The following NRG1 variants were observed in gnomAD, a reference collection of about 807,000 sequenced individuals.
The protein encoded by NRG1 is pro-neuregulin-1, membrane-bound isoform.
In NRG1, 18 loss-of-function variants were observed where a neutral mutation model predicts 63.8. That is an observed-to-expected ratio of 0.28 (90% CI 0.19 to 0.42). NRG1 has a LOEUF of 0.42. Among genes scored for constraint, NRG1 ranks in the 10% least tolerant of loss-of-function variants. The pLI, the probability that NRG1 is intolerant of heterozygous loss-of-function variation, is 1.00. For synonymous variants in NRG1, 302 were observed against 301.3 expected (o/e 1.00, Z -0.02); for missense variants, 762 against 814.7 (o/e 0.94, Z 0.79).
At chr8:32,046,149 T>C (rs1820960238) in intron 1 of NRG1, among the ~76,000 whole-genome samples, 1 of 152,006 alleles carries the variant, frequency 6.6e-6, no homozygotes, top group African/African-American at 2.4e-5. Context: ...GAACAGATTG[T>C]CGACCAAAGT....
At chr8:32,060,853 G>A (rs146291293) in intron 1 of NRG1, among the ~76,000 whole-genome samples, 2 of 151,884 alleles carry the variant, frequency 1.3e-5, no homozygotes, top group African/African-American at 4.8e-5. Flanking sequence ...GTTTTAAAAT[G>A]GAGCAGTAAA....
At chr8:32,186,774 T>C (rs980725071) in intron 1 of NRG1, among the ~76,000 whole-genome samples, 1 of 152,228 alleles carries the variant, frequency 6.6e-6, no homozygotes, top group Non-Finnish European at 1.5e-5. Flanking sequence ...GTCTGAAGTC[T>C]GCTATGATCA....
intron 5 of NRG1, among the ~76,000 whole-genome samples, chr8:32,697,881 A>C (rs1170743816): frequency 6.6e-6 from 1 of 152,152 alleles, no homozygotes; most frequent in African/African-American, 2.4e-5. Flanking sequence ...CTGATACCTC[A>C]ATATAATATG....
chr8:32,374,651 A>G (rs1587179616), intron 1 of NRG1, among the ~76,000 whole-genome samples: 1 of 152,204 alleles, frequency 6.6e-6, no homozygotes, highest in East Asian at 1.9e-4. Context: ...GGCCTTCTTT[A>G]CACTGACTAT....
At position 32,561,232 on chromosome 8, in the gene NRG1, C is replaced by A. The variant is rs1836336062; in HGVS notation, c.100+12406C>A. Among the ~76,000 whole-genome samples, 3 of 152,098 alleles carry A rather than the reference C, an allele frequency of 2.0e-5. No homozygotes were observed. In the South Asian group the frequency reaches 6.2e-4, roughly 32 times the overall value. On this transcript the variant is annotated intron_variant, in intron 1 of 11. Coordinates refer to ENST00000356819, the Ensembl canonical transcript of NRG1. ...TGAATTCAGCTTCACTTTTATAGTGCTTTGGGTGTTATTATGCTTCCAGAT... is the reference window on the plus strand; with the variant it reads ...TGAATTCAGCTTCACTTTTATAGTGATTTGGGTGTTATTATGCTTCCAGAT...
At chr8:31,724,952 T>G (rs559436798) in intron 1 of NRG1, among the ~76,000 whole-genome samples, 2 of 152,338 alleles carry the variant, frequency 1.3e-5, no homozygotes, top group South Asian at 4.1e-4. Context: ...GCCATTGTAG[T>G]GTGAAAGCAT....
At chr8:31,851,096 A>T (rs1442721653) in intron 1 of NRG1, among the ~76,000 whole-genome samples, 1 of 152,204 alleles carries the variant, frequency 6.6e-6, no homozygotes, top group Non-Finnish European at 1.5e-5. Context: ...AAGAGATAGG[A>T]CATCTGTGGA....
At chr8:32,532,251 T>C (rs559132899) in intron 1 of NRG1, among the ~76,000 whole-genome samples, 3 of 152,332 alleles carry the variant, frequency 2.0e-5, no homozygotes, top group African/African-American at 7.2e-5. Context: ...GTTCACAAGC[T>C]AACTTGGCTT....
chr8:32,027,717 A>T (rs1040085994), intron 1 of NRG1, among the ~76,000 whole-genome samples: 1 of 152,072 alleles, frequency 6.6e-6, no homozygotes, highest in Non-Finnish European at 1.5e-5. Context: ...GAAGGCAGGG[A>T]TCTAGTCTTA....
intron 1 of NRG1, among the ~76,000 whole-genome samples, chr8:32,148,856 A>C (rs1837192148): frequency 6.6e-6 from 1 of 152,188 alleles, no homozygotes; most frequent in South Asian, 2.1e-4. Context: ...GTATTAAGTC[A>C]TTTGCTCAGG....
At chr8:32,597,969 C>G (rs16879610) in intron 2 of NRG1, among the ~76,000 whole-genome samples, 5,951 of 152,188 alleles carry the variant, frequency 0.039, 381 homozygotes, top group African/African-American at 0.14. Context: ...TTGGTGTTTG[C>G]TTTTCATCAG....
At chr8:32,144,039 G>A (rs1836588001) in intron 1 of NRG1, among the ~76,000 whole-genome samples, 1 of 152,220 alleles carries the variant, frequency 6.6e-6, no homozygotes, top group African/African-American at 2.4e-5. Flanking sequence ...GGGAAAAGCA[G>A]TTAGAATGAT....
At chr8:32,063,466 A>C (rs1824215169) in intron 1 of NRG1, 1 of 152,160 alleles carries the variant, frequency 6.6e-6, no homozygotes, top group Non-Finnish European at 1.5e-5. Flanking sequence ...TGTGAATGAA[A>C]GTGGGGAGAT....
chr8:31,809,741 G>GGTTTTTTTTTTTTTTTTTTTTTTTATT (rs1554539613), intron 1 of NRG1, among the ~76,000 whole-genome samples: 1 of 68,018 alleles, frequency 1.5e-5, no homozygotes, highest in Non-Finnish European at 2.6e-5. Flanking sequence ...TCTATTAATT[G>GGTTTTTTTTTTTTTTTTTTTTTTTATT]TTTTTTTTTT....
intron 1 of NRG1, among the ~76,000 whole-genome samples, chr8:32,575,639 C>T (rs1246378153): frequency 6.6e-6 from 1 of 152,116 alleles, no homozygotes; most frequent in Non-Finnish European, 1.5e-5. Flanking sequence ...ATTTAATGCT[C>T]ATGGTTACCT....
chr8:32,391,091 T>C (rs1273522740), intron 1 of NRG1, among the ~76,000 whole-genome samples: 1 of 152,062 alleles, frequency 6.6e-6, no homozygotes, highest in African/African-American at 2.4e-5. Flanking sequence ...TAAAATAAAT[T>C]AGCTTGGTTT....
chr8:31,713,310 G>C (rs538510008), intron 1 of NRG1, among the ~76,000 whole-genome samples: 1 of 151,582 alleles, frequency 6.6e-6, no homozygotes, highest in African/African-American at 2.4e-5. Context: ...TGTAGACGGG[G>C]TTTCACTGTG....
At chr8:32,258,074 A>G (rs1849933048) in intron 1 of NRG1, among the ~76,000 whole-genome samples, 1 of 152,214 alleles carries the variant, frequency 6.6e-6, no homozygotes, top group South Asian at 2.1e-4. Context: ...AAACTCAAGA[A>G]TTAAACTGAT....
chr8:31,925,264 CTG>C (rs1462259211), intron 1 of NRG1, among the ~76,000 whole-genome samples: 2 of 139,090 alleles, frequency 1.4e-5, no homozygotes, highest in Non-Finnish European at 3.0e-5. Flanking sequence ...AAATTTAAAA[CTG>C]TGTTATTAGG....
Sources: allele counts gnomAD v4.1 joint callset (sites outside exome capture counted in the v4.1 genomes callset), GRCh38; gene constraint gnomAD v4.1.1; transcripts MANE v1.5; gene names NCBI Gene and HGNC (gene_info 2026-07-23, HGNC 2026-07-21).